The following SLC44A2 variants were observed in gnomAD, a reference collection of about 807,000 sequenced individuals.
The protein encoded by SLC44A2 is solute carrier family 44 member 2 (CTL2 blood group).
In SLC44A2, 57 loss-of-function variants were observed where a neutral mutation model predicts 90.8. The observed-to-expected ratio is 0.63, with a 90% CI of 0.51 to 0.78. SLC44A2 has a LOEUF of 0.78. Among genes scored for constraint, SLC44A2 ranks in the 30% least tolerant of loss-of-function variants. SLC44A2 has a pLI of 0.00. For synonymous variants in SLC44A2, 355 were observed against 360.7 expected (o/e 0.98, Z 0.18); for missense variants, 794 against 919.7 (o/e 0.86, Z 1.77).
At chr19:10,605,149 A>T (rs1599564877) in intron 1 of SLC44A2, among the ~76,000 whole-genome samples, 1 of 152,198 alleles carries the variant, frequency 6.6e-6, no homozygotes, top group East Asian at 1.9e-4. Context: ...TTAGGAGGCC[A>T]AGGCTGGGGG....
intron 13 of SLC44A2, 55 bp downstream of exon 13, chr19:10,635,310 T>G (rs942665755): frequency 1.2e-6 from 2 of 1,607,736 alleles, no homozygotes; most frequent in East Asian, 2.2e-5. Flanking sequence ...AGACCAACTT[T>G]GCCTAGAAGT....
intron 1 of SLC44A2, among the ~76,000 whole-genome samples, chr19:10,617,123 T>C (rs2066861718): frequency 6.6e-6 from 1 of 150,994 alleles, no homozygotes; most frequent in Non-Finnish European, 1.5e-5. Flanking sequence ...GGTTTCATCG[T>C]GTTAGCCAGG....
chr19:10,624,792 T>C (rs1482516646), upstream of SLC44A2, among the ~76,000 whole-genome samples: 1 of 152,202 alleles, frequency 6.6e-6, no homozygotes, highest in Non-Finnish European at 1.5e-5. Flanking sequence ...GGTTCCTCAC[T>C]GTATGCGGTG....
chr19:10,631,791 G>C (rs777293737), intron 8 of SLC44A2, 42 bp downstream of exon 8: 6 of 1,613,950 alleles, frequency 3.7e-6, no homozygotes, highest in Non-Finnish European at 5.1e-6. Flanking sequence ...CACTTTGCTG[G>C]GTGGGACAGG....
chr19:10,638,168 A>G, intron 19 of SLC44A2, 59 bp from the exon 20 acceptor site: 2 of 1,612,504 alleles, frequency 1.2e-6, no homozygotes, highest in Admixed American at 3.3e-5. Flanking sequence ...TCATCTTCTT[A>G]GGAGGCTGTT....
intron 21 of SLC44A2, 42 bp from the exon 22 acceptor site, chr19:10,643,237 G>A (rs1156236930): frequency 6.3e-7 from 1 of 1,583,598 alleles, no homozygotes; most frequent in South Asian, 1.1e-5. Context: ...CCCTGCCCGT[G>A]GGCTCCCCTC....
chr19:10,623,843 C>T, upstream of SLC44A2, among the ~76,000 whole-genome samples: 1 of 152,074 alleles, frequency 6.6e-6, no homozygotes, highest in Non-Finnish European at 1.5e-5. Context: ...GTGCCCACCA[C>T]CACACCTGGC....
chr19:10,625,709 C>G lies in SLC44A2; in HGVS notation c.37+39C>G, dbSNP rs926498035. On this transcript the variant is annotated intron_variant, in intron 1 of 21. Coordinates refer to ENST00000335757, the MANE Select transcript of SLC44A2 (RefSeq NM_020428.4). ...CCCGCCCGTAGCCCCGGGCCGACCC[C>G]TCGGTCCCTCGGAGGGGGCCTTGAG... 1.2e-5 allele frequency: 15 copies of G among 1,240,878 alleles called. No individual in the cohort carries two copies. The Middle Eastern group carries it at 6.7e-4, about 55-fold the overall frequency. The allele number at this position is 1,240,878 out of a possible 1,614,324, so 76.9% of individuals were successfully genotyped here. A position where few individuals can be genotyped will look rare whatever the true frequency, so the allele number is the denominator to read the frequency against.
At chr19:10,632,207 C>A (rs1273328761) in intron 10 of SLC44A2, 51 bp downstream of exon 10, 4 of 1,508,534 alleles carry the variant, frequency 2.7e-6, no homozygotes, top group Non-Finnish European at 3.7e-6. Context: ...GCACACTGCC[C>A]TGCCCTTTCC....
intron 1 of SLC44A2, among the ~76,000 whole-genome samples, chr19:10,611,051 C>T (rs1918288565): frequency 6.6e-6 from 1 of 151,742 alleles, no homozygotes; most frequent in Non-Finnish European, 1.5e-5. Flanking sequence ...TATGATGTTC[C>T]CCAGGCTGGT....
chr19:10,614,915 G>A (rs2066842997), intron 1 of SLC44A2, among the ~76,000 whole-genome samples: 1 of 145,168 alleles, frequency 6.9e-6, no homozygotes, highest in African/African-American at 2.6e-5. Context: ...AGGTCACAGT[G>A]AGCCAAGATT....
intron 1 of SLC44A2, among the ~76,000 whole-genome samples, chr19:10,607,473 C>G (rs1918142305): frequency 6.6e-6 from 1 of 151,414 alleles, no homozygotes; most frequent in Admixed American, 6.6e-5. Flanking sequence ...GCTTCTGCCT[C>G]CTGTGTAGTT....
Position 10,631,548 on chromosome 19 carries a change from A to G in SLC44A2, c.502+13A>G. The G allele has an allele frequency of 6.2e-7, 1 of 1,613,982 alleles. No homozygotes were observed. Among genetic ancestry groups the G allele is most frequent in the Non-Finnish European group, 8.5e-7 (1 of 1,180,006 alleles). ...CCCAGCAAACCCTGTGAGTCAGGGG[A>G]TCCCAGGAGGCTCAGGTGGTGACGG... On this transcript the variant is annotated intron_variant, in intron 7 of 21. Transcript: ENST00000335757.
At chr19:10,633,017 A>G (rs115659236) in intron 10 of SLC44A2, among the ~76,000 whole-genome samples, 2,390 of 152,014 alleles carry the variant, frequency 0.016, 60 homozygotes, top group African/African-American at 0.053. Context: ...TCATATTTCT[A>G]GTTGGCAAAC....
At chr19:10,640,645 TGA>T (rs1171886839) in intron 20 of SLC44A2, among the ~76,000 whole-genome samples, 1 of 152,100 alleles carries the variant, frequency 6.6e-6, no homozygotes, top group Non-Finnish European at 1.5e-5. Context: ...CAAGGCCGTG[TGA>T]GTCTCCAGAT....
chr19:10,611,647 C>T (rs1414004639), intron 1 of SLC44A2, among the ~76,000 whole-genome samples: 4 of 151,378 alleles, frequency 2.6e-5, no homozygotes, highest in Non-Finnish European at 5.9e-5. Flanking sequence ...TGCAAAACCC[C>T]TTCTTCCCAA....
intron 1 of SLC44A2, among the ~76,000 whole-genome samples, chr19:10,616,556 A>T (rs1472253209): frequency 6.6e-6 from 1 of 151,628 alleles, no homozygotes; most frequent in African/African-American, 2.4e-5. Context: ...TCCTGTCTCT[A>T]TTTTCACTTT....
At position 10,637,879 on chromosome 19, in the gene SLC44A2, C is replaced by T; in HGVS notation, c.1719C>T (p.Phe573=). The T allele has an allele frequency of 6.2e-7, 1 of 1,614,178 alleles. No homozygotes were observed. The highest frequency in any genetic ancestry group is 8.5e-7 in the Non-Finnish European group (1 of 1,180,034). Residue 573 remains phenylalanine (F), a synonymous_variant, in exon 18 of 22, where the codon TTC becomes TTT. Transcript: ENST00000335757. The stretch of plus-strand genomic sequence containing the variant: ...AGATTGCCATCTACGGCACCAATTT[C>T]TGCACCTCGGCCAGGAATGCCTTCT... ...YIMIAIYGTN[F]CTSARNAFFL...
rs2067072538 is a variant in SLC44A2 at position 10,637,669 on chromosome 19, C to T, written c.1617C>T (p.Cys539=). 10 of 1,614,114 alleles carry T rather than the reference C, an allele frequency of 6.2e-6. No individual in the cohort carries two copies. Among genetic ancestry groups the T allele is most frequent in the South Asian group, 2.2e-5 (2 of 91,072 alleles). Reference sequence around the variant, plus strand: ...CTGCAGAGAACAAGTTTGCCAAGTGCCTCATGACCTGTCTCAAATGCTGCT... The same window carrying T: ...CTGCAGAGAACAAGTTTGCCAAGTGTCTCATGACCTGTCTCAAATGCTGCT... The part of the protein sequence containing the change: ...LKAAENKFAK[C]LMTCLKCCFW... The change falls in exon 17 of 22, where the codon TGC becomes TGT. Residue 539 remains cysteine, a synonymous_variant. Transcript: ENST00000335757.
Sources: allele counts gnomAD v4.1 joint callset (sites outside exome capture counted in the v4.1 genomes callset), GRCh38; gene constraint gnomAD v4.1.1; transcripts MANE v1.5; gene names NCBI Gene and HGNC (gene_info 2026-07-23, HGNC 2026-07-21).